The following PDZK1 variants were observed in gnomAD, a reference collection of about 807,000 sequenced individuals.
PDZK1 encodes PDZ domain containing 1.
PDZK1 carries 23 observed loss-of-function variants against 38.1 expected under a neutral mutation model. The ratio of observed to expected loss-of-function variants is 0.60; its 90% CI spans 0.43 to 0.85. The LOEUF is 0.85. Ranked by LOEUF, PDZK1 falls within the 40% of genes least tolerant of loss-of-function variation. The pLI is 0.00. For synonymous variants in PDZK1, 98 were observed against 186.2 expected (o/e 0.53, Z 3.86); for missense variants, 297 against 504.3 (o/e 0.59, Z 3.94).
In PDZK1 at chr1:145,686,518, T is replaced by C. The variant is rs782040972; in HGVS notation, c.419A>G (p.Lys140Arg). The change falls in exon 3 of 9, where the codon AAG becomes AGG. Residue 140 changes from lysine to arginine, a missense_variant. Coordinates refer to ENST00000417171, the MANE Select transcript of PDZK1 (RefSeq NM_001201325.2). ...AGAGAAGCCATAGCTGCCTCCTTCCTTCACGAGATAGCAGAGCCGGGGCTG... is the reference window on the plus strand; with the variant it reads ...AGAGAAGCCATAGCTGCCTCCTTCCCTCACGAGATAGCAGAGCCGGGGCTG... The part of the protein sequence containing the change: ...WTQPRLCYLV[K>R]EGGSYGFSLK... 3.1e-6 allele frequency: 5 copies of C among 1,612,010 alleles called. 1 individual carries two copies. In the Admixed American group the frequency reaches 8.3e-5, roughly 27 times the overall value.
At chr1:145,686,869 G>A in intron 2 of PDZK1, 143 bp from the exon 3 acceptor site, 1 of 943,462 alleles carries the variant, frequency 1.1e-6, no homozygotes, top group South Asian at 1.6e-5. Context: ...TAGTTCCTCA[G>A]CCACCTCCAT....
chr1:145,687,286 G>A lies in PDZK1; in HGVS notation c.210+526C>T, dbSNP rs188659085. 2.0e-4 allele frequency among the ~76,000 whole-genome samples: 30 copies of A among 151,460 alleles called. 1 individual carries two copies. In the East Asian group the frequency reaches 4.1e-3, roughly 21 times the overall value. On this transcript the variant is annotated intron_variant, in intron 2 of 8. Transcript: ENST00000417171. Reference sequence around the variant, plus strand: ...TGTAATCACTGCACTTTGGGAGGCCGAAGCGGGCGGATCACGAGGTCAGGA... The same window carrying A: ...TGTAATCACTGCACTTTGGGAGGCCAAAGCGGGCGGATCACGAGGTCAGGA...
At chr1:145,679,785 C>T (rs1553699966) in intron 5 of PDZK1, among the ~76,000 whole-genome samples, 1 of 152,212 alleles carries the variant, frequency 6.6e-6, no homozygotes, top group African/African-American at 2.4e-5. Context: ...CTCCCTTATA[C>T]TGCTCAAAAA....
At chr1:145,672,692 G>A in intron 8 of PDZK1, 38 bp downstream of exon 8, 7 of 1,611,056 alleles carry the variant, frequency 4.3e-6, no homozygotes, top group Non-Finnish European at 5.9e-6. Context: ...CCATACTCTA[G>A]TAAATTAGAT....
At chr1:145,699,222 G>A (rs1427600186) in intron 1 of PDZK1, among the ~76,000 whole-genome samples, 1 of 151,862 alleles carries the variant, frequency 6.6e-6, no homozygotes, top group Non-Finnish European at 1.5e-5. Context: ...TGGGCAACGA[G>A]TGAAACTCCA....
intron 1 of PDZK1, among the ~76,000 whole-genome samples, chr1:145,706,326 CA>C (rs1656247012): frequency 6.6e-6 from 1 of 152,146 alleles, no homozygotes; most frequent in African/African-American, 2.4e-5. Context: ...ATACAAAAGT[CA>C]AAGATAAGCA....
chr1:145,678,996 G>T (rs1327302390), intron 5 of PDZK1, among the ~76,000 whole-genome samples: 1 of 151,522 alleles, frequency 6.6e-6, no homozygotes, highest in Non-Finnish European at 1.5e-5. Flanking sequence ...CGCGTCTTAT[G>T]TAAAAGCTGT....
chr1:145,680,508 C>T (rs1378959349), intron 5 of PDZK1, among the ~76,000 whole-genome samples: 6 of 151,868 alleles, frequency 4.0e-5, no homozygotes, highest in African/African-American at 1.5e-4. Context: ...TGGCTCACAC[C>T]GGCTCACAAA....
chr1:145,689,720 C>T (rs1314855117), intron 1 of PDZK1, among the ~76,000 whole-genome samples: 2 of 152,130 alleles, frequency 1.3e-5, no homozygotes, highest in African/African-American at 4.8e-5. Context: ...CAGAATAAAC[C>T]ACCTATCCCT....
At chr1:145,676,073 A>G (rs1269315743) in intron 6 of PDZK1, 3 of 185,812 alleles carry the variant, frequency 1.6e-5, no homozygotes, top group Non-Finnish European at 3.0e-5. Context: ...GGTGTCTAGT[A>G]TGTGCCAGGG....
intron 1 of PDZK1, among the ~76,000 whole-genome samples, chr1:145,706,790 C>T (rs1474399564): frequency 6.6e-6 from 1 of 151,870 alleles, no homozygotes; most frequent in Admixed American, 6.6e-5. Flanking sequence ...TTCAGCCAGC[C>T]TGGAAATCCA....
Position 145,687,906 on chromosome 1 carries a change from T to G in PDZK1, c.116A>C (p.Glu39Ala). 8 of 1,613,522 alleles carry G rather than the reference T, an allele frequency of 5.0e-6. No homozygotes were observed. The highest frequency in any genetic ancestry group is 6.8e-6 in the Non-Finnish European group (8 of 1,179,828). The change falls in exon 2 of 9, where the codon GAG becomes GCG. Residue 39 changes from glutamate (E) to alanine (A), a missense_variant. By Grantham distance (107) the Glu-to-Ala change is moderately radical (BLOSUM62 -1). Coordinates refer to ENST00000417171, the MANE Select transcript of PDZK1 (RefSeq NM_001201325.2). The part of the protein sequence containing the change: ...DTEGHLVRVV[E>A]KCSPAEKAGL... ...AGCCTTCTCTGCTGGGCTACACTTC[T>G]CAACCACCCGGACCAGGTGGCCCTC...
chr1:145,681,261 A>C (rs1417843007), intron 4 of PDZK1, among the ~76,000 whole-genome samples, 154 bp from the exon 5 acceptor site: 20 of 142,018 alleles, frequency 1.4e-4, no homozygotes, highest in Non-Finnish European at 2.7e-4. Context: ...ATGCCCTACC[A>C]GCTAACTGAT....
intron 1 of PDZK1, among the ~76,000 whole-genome samples, chr1:145,705,282 G>A (rs1444407045): frequency 6.6e-6 from 1 of 152,088 alleles, no homozygotes. Context: ...GTAGAGATGG[G>A]GTTTCACCAT....
At position 145,686,427 on chromosome 1, in the gene PDZK1, G is replaced by A. The variant is rs782416299; in HGVS notation, c.460+50C>T. 15 of 1,516,188 alleles carry A rather than the reference G, an allele frequency of 9.9e-6. No individual in the cohort carries two copies. The East Asian group carries it at 3.1e-4, about 32-fold the overall frequency. The allele number at this position is 1,516,188 out of a possible 1,614,324, so 93.9% of individuals were successfully genotyped here. A position where few individuals can be genotyped will look rare whatever the true frequency, so the allele number is the denominator to read the frequency against. On this transcript the variant is annotated intron_variant, in intron 3 of 8. Transcript: ENST00000417171. The stretch of plus-strand genomic sequence containing the variant: ...AGTAGCATCTTTGTTCTGGAAGCCT[G>A]TTGTCTGTGCCCTGCCCCTGCCTCC...
chr1:145,695,376 A>G (rs1241257620), intron 1 of PDZK1, among the ~76,000 whole-genome samples: 1 of 151,460 alleles, frequency 6.6e-6, no homozygotes, highest in Non-Finnish European at 1.5e-5. Context: ...GAGCCGAGAC[A>G]GTGCACTGAA....
intron 6 of PDZK1, among the ~76,000 whole-genome samples, chr1:145,675,870 T>C (rs1263946263): frequency 6.6e-6 from 1 of 151,586 alleles, no homozygotes; most frequent in Admixed American, 6.6e-5. Context: ...ATATAAAAAT[T>C]AGCCAGGTGT....
intron 1 of PDZK1, among the ~76,000 whole-genome samples, chr1:145,695,241 C>T (rs1000759288): frequency 1.3e-4 from 19 of 151,732 alleles, no homozygotes; most frequent in African/African-American, 3.1e-4. Context: ...GCCAACATGG[C>T]GAAACCCTGC....
At chr1:145,688,088 A>G in intron 1 of PDZK1, 65 bp from the exon 2 acceptor site, 2 of 1,303,112 alleles carry the variant, frequency 1.5e-6, no homozygotes, top group Non-Finnish European at 1.1e-6. Context: ...TGAGAACCCC[A>G]TCCTCCATCT....
Sources: gnomAD v4.1 joint callset for allele counts (sites outside exome capture counted in the v4.1 genomes callset) on GRCh38, gnomAD v4.1.1 for gene constraint, MANE v1.5 for transcripts, NCBI Gene and HGNC (gene_info 2026-07-23, HGNC 2026-07-21) for gene names.